The following CYP39A1 variants were observed in gnomAD, a reference collection of about 807,000 sequenced individuals.
CYP39A1 encodes the protein 24-hydroxycholesterol 7-alpha-hydroxylase.
Under a neutral mutation model 58.1 loss-of-function variants are expected in CYP39A1, and 49 were observed. The ratio of observed to expected loss-of-function variants is 0.84; its 90% CI spans 0.67 to 1.07. The LOEUF (loss-of-function observed/expected upper bound fraction) is 1.07, where lower values mean the gene tolerates loss of function less well. Ranked by LOEUF, CYP39A1 falls within the 50% of genes least tolerant of loss-of-function variation. CYP39A1 has a pLI of 0.00. For synonymous variants in CYP39A1, 209 were observed against 187.6 expected, an observed-to-expected ratio of 1.11 and a Z score of -0.93; for missense variants, 531 against 539.4, an observed-to-expected ratio of 0.98 and a Z score of 0.16.
intron 10 of CYP39A1, among the ~76,000 whole-genome samples, chr6:46,572,270 A>C (rs893688928): frequency 6.6e-6 from 1 of 152,052 alleles, no homozygotes; most frequent in African/African-American, 2.4e-5. Context: ...TGGGTTTTAT[A>C]CTTTCATGCA....
At chr6:46,605,002 CT>C (rs1337573888) in intron 7 of CYP39A1, among the ~76,000 whole-genome samples, 1 of 147,468 alleles carries the variant, frequency 6.8e-6, no homozygotes, top group East Asian at 2.0e-4. Context: ...AGCTGATGAG[CT>C]TAAAAAAAAA....
Position 46,633,640 on chromosome 6 carries a change from C to T in CYP39A1, c.733-2570G>A, listed in dbSNP as rs7765912. Among the ~76,000 whole-genome samples the T allele has an allele frequency of 7.6e-3, 1,153 of 152,114 alleles. 9 individuals carry two copies. Among genetic ancestry groups the T allele is most frequent in the African/African-American group, 0.02 (809 of 41,486 alleles). Reference sequence around the variant, plus strand: ...TCGGGAGGCCGAGGCAGGTGGGTCACGAGGTCAGAAGTTTGATACCAGCCT... The same window carrying T: ...TCGGGAGGCCGAGGCAGGTGGGTCATGAGGTCAGAAGTTTGATACCAGCCT... On this transcript the variant is annotated intron_variant, in intron 5 of 11. Coordinates refer to ENST00000275016, the MANE Select transcript of CYP39A1 (RefSeq NM_016593.5).
At chr6:46,564,085 T>A (rs1771124269) in intron 10 of CYP39A1, among the ~76,000 whole-genome samples, 1 of 139,204 alleles carries the variant, frequency 7.2e-6, no homozygotes, top group African/African-American at 3.3e-5. Flanking sequence ...GAGACCTAGT[T>A]TGTTTTTTAT....
chr6:46,615,237 ATATATT>A (rs1290005610), intron 7 of CYP39A1, among the ~76,000 whole-genome samples: 98 of 151,188 alleles, frequency 6.5e-4, no homozygotes, highest in African/African-American at 2.3e-3. Flanking sequence ...AGTATAAAAA[ATATATT>A]ATATCATTAT....
chr6:46,610,858 A>G (rs1217266619), intron 7 of CYP39A1, among the ~76,000 whole-genome samples: 2 of 152,176 alleles, frequency 1.3e-5, no homozygotes, highest in African/African-American at 4.8e-5. Flanking sequence ...AAAATCTTGT[A>G]GTTTCCTCCA....
chr6:46,631,723 A>G (rs368042123), intron 5 of CYP39A1, among the ~76,000 whole-genome samples: 2 of 152,156 alleles, frequency 1.3e-5, no homozygotes, highest in East Asian at 1.9e-4. Context: ...ATACTCTAAA[A>G]CCATACAGAG....
intron 8 of CYP39A1, among the ~76,000 whole-genome samples, chr6:46,593,158 T>TTAA (rs1254869560): frequency 6.6e-6 from 1 of 152,176 alleles, no homozygotes; most frequent in African/African-American, 2.4e-5. Context: ...GGTTTCTATA[T>TTAA]TAATGTCATA....
At chr6:46,585,356 T>C (rs551931502) in intron 10 of CYP39A1, among the ~76,000 whole-genome samples, 2 of 151,052 alleles carry the variant, frequency 1.3e-5, no homozygotes, top group African/African-American at 2.5e-5. Flanking sequence ...GATAGATAGA[T>C]AGATAGACAG....
chr6:46,600,169 C>T (rs1329363429), intron 7 of CYP39A1, among the ~76,000 whole-genome samples: 1 of 151,572 alleles, frequency 6.6e-6, no homozygotes, highest in Non-Finnish European at 1.5e-5. Flanking sequence ...CGCTCTGTTA[C>T]CCAAGTTGGA....
At chr6:46,559,126 A>G (rs1024691850) in intron 10 of CYP39A1, among the ~76,000 whole-genome samples, 3 of 152,182 alleles carry the variant, frequency 2.0e-5, no homozygotes, top group Non-Finnish European at 1.5e-5. Context: ...GGCAGGTCTT[A>G]AGGAACATAG....
intron 10 of CYP39A1, among the ~76,000 whole-genome samples, chr6:46,577,775 TA>T (rs34632302): frequency 0.39 from 59,770 of 151,630 alleles, 14,767 homozygotes; most frequent in African/African-American, 0.7. Flanking sequence ...CCCAGATTCA[TA>T]AAAAAAAATT....
chr6:46,591,053 A>G (rs1772802658), intron 8 of CYP39A1, among the ~76,000 whole-genome samples: 1 of 152,202 alleles, frequency 6.6e-6, no homozygotes, highest in Non-Finnish European at 1.5e-5. Context: ...TTTTAAGGCT[A>G]TAAATGCATG....
At chr6:46,600,067 G>T (rs1773394123) in intron 7 of CYP39A1, among the ~76,000 whole-genome samples, 1 of 152,064 alleles carries the variant, frequency 6.6e-6, no homozygotes, top group Admixed American at 6.6e-5. Context: ...AATGATAGGG[G>T]AGAGAGGAGC....
intron 7 of CYP39A1, among the ~76,000 whole-genome samples, chr6:46,605,267 A>C (rs1773769187): frequency 6.6e-6 from 1 of 152,192 alleles, no homozygotes; most frequent in Non-Finnish European, 1.5e-5. Context: ...GCAGCTTTGC[A>C]CAGGAAGTGA....
At chr6:46,637,745 A>G (rs1423410776) in intron 4 of CYP39A1, 84 bp downstream of exon 4, 44 of 1,448,338 alleles carry the variant, frequency 3.0e-5, no homozygotes, top group Admixed American at 1.1e-4. Context: ...CTGCTGTTAC[A>G]TCTACTTAGA....
At chr6:46,612,709 A>G (rs1213257554) in intron 7 of CYP39A1, among the ~76,000 whole-genome samples, 2 of 152,236 alleles carry the variant, frequency 1.3e-5, no homozygotes, top group African/African-American at 4.8e-5. Flanking sequence ...TTTTAAAATA[A>G]AATAACTTCC....
At chr6:46,609,864 T>G (rs1774108883) in intron 7 of CYP39A1, among the ~76,000 whole-genome samples, 1 of 152,248 alleles carries the variant, frequency 6.6e-6, no homozygotes, top group South Asian at 2.1e-4. Flanking sequence ...ATCTCTTTTG[T>G]AATTGCACAC....
chr6:46,648,340 G>A (rs1481902199), intron 1 of CYP39A1, among the ~76,000 whole-genome samples: 1 of 151,848 alleles, frequency 6.6e-6, no homozygotes, highest in South Asian at 2.1e-4. Context: ...CCATAAAAAA[G>A]GATGAGTTCA....
rs201536681 is a variant in CYP39A1 at position 46,566,849 on chromosome 6, T to TAC, written c.1251-12997_1251-12996dup. ...AATGAGATGATTATATATATATATATACACACACATACATATATGCACACA... is the reference window on the plus strand; with the variant it reads ...AATGAGATGATTATATATATATATATACACACACACATACATATATGCACACA... On this transcript the variant is annotated intron_variant, in intron 10 of 11. Coordinates refer to ENST00000275016, the MANE Select transcript of CYP39A1 (RefSeq NM_016593.5). Among the ~76,000 whole-genome samples the TAC allele has an allele frequency of 8.3e-5, 12 of 145,340 alleles. No homozygotes were observed. In the South Asian group the frequency reaches 8.7e-4, roughly 11 times the overall value.
Sources: allele counts gnomAD v4.1 joint callset (sites outside exome capture counted in the v4.1 genomes callset), GRCh38; gene constraint gnomAD v4.1.1; transcripts MANE v1.5; gene names NCBI Gene and HGNC (gene_info 2026-07-23, HGNC 2026-07-21).